Variants in SGIP1 observed in about 807,000 individuals in gnomAD.
The protein encoded by SGIP1 is SH3GL interacting endocytic adaptor 1.
Under a neutral mutation model 107.5 loss-of-function variants are expected in SGIP1, and 38 were observed. The observed-to-expected ratio is 0.35, with a 90% CI of 0.27 to 0.46. The LOEUF (loss-of-function observed/expected upper bound fraction) is 0.46. Among genes scored for constraint, SGIP1 ranks in the 20% least tolerant of loss-of-function variants. The pLI is 1.00. For missense variants in SGIP1, 929 were observed against 1,019.5 expected (o/e 0.91, Z 1.21); for synonymous variants, 365 against 366.1 (o/e 1.00, Z 0.03).
At chr1:66,575,980 G>A (rs776673154) in intron 1 of SGIP1, among the ~76,000 whole-genome samples, 6 of 152,270 alleles carry the variant, frequency 3.9e-5, no homozygotes, top group South Asian at 2.1e-4. Flanking sequence ...TGCAGGACCC[G>A]TTTTCCTAGG....
At position 66,694,498 on chromosome 1, in the gene SGIP1, C is replaced by T. The variant is rs752227886; in HGVS notation, c.1571-936C>T. ...CTCGTTTGAAAGGCGCTGTGAAACGCCTGCAGGTATGGTGCTAGCCAAGTG... is the reference window on the plus strand; with the variant it reads ...CTCGTTTGAAAGGCGCTGTGAAACGTCTGCAGGTATGGTGCTAGCCAAGTG... On this transcript the variant is annotated intron_variant, in intron 17 of 24. Coordinates refer to ENST00000371037, the MANE Select transcript of SGIP1 (RefSeq NM_032291.4). 3.1e-6 allele frequency: 5 copies of T among 1,602,574 alleles called. No individual in the cohort carries two copies. In the African/African-American group the frequency reaches 6.7e-5, roughly 22 times the overall value.
chr1:66,605,680 T>A (rs954426462), intron 1 of SGIP1, among the ~76,000 whole-genome samples: 2 of 152,012 alleles, frequency 1.3e-5, no homozygotes, highest in Admixed American at 6.6e-5. Context: ...CTGGTATTTT[T>A]GTCATGACCG....
At chr1:66,698,923 C>CA (rs1469149198) in intron 18 of SGIP1, among the ~76,000 whole-genome samples, 1 of 151,288 alleles carries the variant, frequency 6.6e-6, no homozygotes, top group Non-Finnish European at 1.5e-5. Context: ...AACAAACAAA[C>CA]AAAAAATCTG....
chr1:66,713,109 A>C (rs1313707694), intron 18 of SGIP1, among the ~76,000 whole-genome samples: 1 of 152,156 alleles, frequency 6.6e-6, no homozygotes, highest in African/African-American at 2.4e-5. Context: ...CTTGGTTTGC[A>C]TCACAGTTCT....
chr1:66,598,576 G>A (rs992505145), intron 1 of SGIP1, among the ~76,000 whole-genome samples: 3 of 152,162 alleles, frequency 2.0e-5, no homozygotes, highest in Non-Finnish European at 4.4e-5. Context: ...CAGGAATCAT[G>A]GCAGCATCTT....
chr1:66,542,199 T>C (rs1227243758), intron 1 of SGIP1, among the ~76,000 whole-genome samples: 1 of 152,114 alleles, frequency 6.6e-6, no homozygotes, highest in Non-Finnish European at 1.5e-5. Flanking sequence ...TTACCTATGA[T>C]CATTTTACCT....
chr1:66,729,172 A>T, intron 19 of SGIP1, 92 bp from the exon 20 acceptor site: 1 of 1,415,374 alleles, frequency 7.1e-7, no homozygotes, highest in South Asian at 1.3e-5. Flanking sequence ...GCTATTTAAC[A>T]TTGCCTCATA....
chr1:66,566,326 C>A (rs1261811493), intron 1 of SGIP1, among the ~76,000 whole-genome samples: 1 of 151,988 alleles, frequency 6.6e-6, no homozygotes, highest in African/African-American at 2.4e-5. Context: ...ATTCTTATTC[C>A]ATCCATCATT....
At chr1:66,604,731 G>A (rs1219020395) in intron 1 of SGIP1, among the ~76,000 whole-genome samples, 3 of 152,240 alleles carry the variant, frequency 2.0e-5, no homozygotes, top group African/African-American at 7.2e-5. Flanking sequence ...TGGATCAGCA[G>A]TGGGTTAACT....
chr1:66,577,854 C>T (rs567841825), intron 1 of SGIP1, among the ~76,000 whole-genome samples: 1 of 150,488 alleles, frequency 6.6e-6, no homozygotes, highest in East Asian at 2.0e-4. Context: ...GCAGGCTCAA[C>T]CATAGGTTAC....
chr1:66,558,748 G>A (rs940576936), intron 1 of SGIP1, among the ~76,000 whole-genome samples: 17 of 151,058 alleles, frequency 1.1e-4, no homozygotes, highest in Non-Finnish European at 1.8e-4. Flanking sequence ...ACTTCAAGTT[G>A]AATTCACAAA....
intron 1 of SGIP1, among the ~76,000 whole-genome samples, chr1:66,602,580 T>C (rs2066057685): frequency 6.6e-6 from 1 of 152,110 alleles, no homozygotes; most frequent in African/African-American, 2.4e-5. Flanking sequence ...ACATGGCACA[T>C]GTATACATAT....
chr1:66,577,756 C>CTGTGTGTG (rs6143251), intron 1 of SGIP1, among the ~76,000 whole-genome samples: 1,975 of 145,018 alleles, frequency 0.014, 23 homozygotes, highest in African/African-American at 0.029. Context: ...TAATGCAGTC[C>CTGTGTGTG]TGTGTGTGTG....
At chr1:66,665,095 G>A (rs998360074) in intron 8 of SGIP1, among the ~76,000 whole-genome samples, 28 of 152,112 alleles carry the variant, frequency 1.8e-4, no homozygotes, top group Non-Finnish European at 7.4e-5. Flanking sequence ...TTTACATTAA[G>A]TATTTCTCCT....
Position 66,664,138 on chromosome 1 carries a change from A to G in SGIP1, c.472-3392A>G, listed in dbSNP as rs190633411. ...AACTTTTTAATCTGGTCACTAAAGA[A>G]TAATAAAGTCTAAATTTTCATATAA... On this transcript the variant is annotated intron_variant, in intron 8 of 24. Transcript: ENST00000371037. Among the ~76,000 whole-genome samples the G allele has an allele frequency of 3.9e-5, 6 of 152,330 alleles. No individual in the cohort carries two copies. In the East Asian group the frequency reaches 1.2e-3, roughly 29 times the overall value.
chr1:66,742,982 G>A, intron 24 of SGIP1, 91 bp from the exon 25 acceptor site: 1 of 1,300,146 alleles, frequency 7.7e-7, no homozygotes, highest in Middle Eastern at 1.9e-4. Flanking sequence ...GGCTCCTAGG[G>A]GTAGGGAAGG....
intron 1 of SGIP1, among the ~76,000 whole-genome samples, chr1:66,544,199 C>A (rs2055757189): frequency 1.3e-5 from 2 of 152,198 alleles, no homozygotes; most frequent in African/African-American, 4.8e-5. Context: ...TGTCCATGTG[C>A]TAGGCCACCC....
chr1:66,565,501 C>T (rs1423700463), intron 1 of SGIP1, among the ~76,000 whole-genome samples: 1 of 151,874 alleles, frequency 6.6e-6, no homozygotes, highest in African/African-American at 2.4e-5. Context: ...CATCAAGAAA[C>T]TTACAGATTA....
intron 7 of SGIP1, among the ~76,000 whole-genome samples, chr1:66,658,877 AG>A (rs2080308373): frequency 6.6e-6 from 1 of 152,218 alleles, no homozygotes; most frequent in Non-Finnish European, 1.5e-5. Context: ...AATCTGGGAA[AG>A]GTCTCATGGA....
Sources: gnomAD v4.1 joint callset for allele counts (sites outside exome capture counted in the v4.1 genomes callset) on GRCh38, gnomAD v4.1.1 for gene constraint, MANE v1.5 for transcripts, NCBI Gene and HGNC (gene_info 2026-07-23, HGNC 2026-07-21) for gene names.